Variants in LCMT1 observed in about 807,000 individuals in gnomAD.
LCMT1 encodes leucine carboxyl methyltransferase 1, also known as [Phosphatase 2A protein]-leucine-carboxy methyltransferase 1.
A neutral mutation model predicts 47.7 loss-of-function variants in LCMT1; 32 were observed. The ratio of observed to expected loss-of-function variants is 0.67; its 90% CI spans 0.51 to 0.90. The LOEUF (loss-of-function observed/expected upper bound fraction) is 0.90. Ranked by LOEUF, LCMT1 falls within the 40% of genes least tolerant of loss-of-function variation. The pLI, the probability that LCMT1 is intolerant of heterozygous loss-of-function variation, is 0.00. For missense variants in LCMT1, 375 were observed against 415.2 expected (o/e 0.90, Z 0.84); for synonymous variants, 152 against 149.7 (o/e 1.02, Z -0.11).
intron 2 of LCMT1, 128 bp downstream of exon 2, chr16:25,128,694 TTCACCA>T: frequency 1.5e-6 from 1 of 675,146 alleles, no homozygotes; most frequent in Non-Finnish European, 2.6e-6. Context: ...TCCCCAGATC[TTCACCA>T]ACACGGTGTG....
chr16:25,126,980 T>C (rs565678869), intron 1 of LCMT1, among the ~76,000 whole-genome samples: 18 of 152,338 alleles, frequency 1.2e-4, no homozygotes, highest in Non-Finnish European at 2.1e-4. Context: ...GATGACACTA[T>C]ATGATTTCTT....
At position 25,178,200 on chromosome 16, in the gene LCMT1, G is replaced by A. The variant is rs146882244; in HGVS notation, c.*177G>A. Reference sequence around the variant, plus strand: ...CTCTTCCTGTTCCTGTTGACATGTCGTTGTTTAAATAAATCTCACTTGCCA... The same window carrying A: ...CTCTTCCTGTTCCTGTTGACATGTCATTGTTTAAATAAATCTCACTTGCCA... On this transcript the variant is annotated 3_prime_UTR_variant, in exon 11 of 11. Coordinates refer to ENST00000399069, the MANE Select transcript of LCMT1 (RefSeq NM_016309.3). 2.4e-3 allele frequency: 1,401 copies of A among 592,008 alleles called. 8 individuals carry two copies. The highest frequency in any genetic ancestry group is 0.011 in the Middle Eastern group (40 of 3,554). 36.7% of individuals were successfully genotyped at this position (592,008 alleles called of 1,614,324 possible).
At chr16:25,138,290 A>C (rs558093019) in intron 3 of LCMT1, among the ~76,000 whole-genome samples, 2 of 152,290 alleles carry the variant, frequency 1.3e-5, no homozygotes, top group African/African-American at 4.8e-5. Flanking sequence ...AGCAGCGTGC[A>C]GCTTTGAGAC....
chr16:25,167,998 C>T (rs1211031111), intron 7 of LCMT1, among the ~76,000 whole-genome samples: 1 of 151,730 alleles, frequency 6.6e-6, no homozygotes, highest in Non-Finnish European at 1.5e-5. Context: ...CTCAAGTGAT[C>T]CGCCCACCTC....
chr16:25,129,586 A>G (rs1282968809), intron 2 of LCMT1, among the ~76,000 whole-genome samples: 1 of 152,244 alleles, frequency 6.6e-6, no homozygotes, highest in African/African-American at 2.4e-5. Context: ...TTTATTTTTC[A>G]CATGTGTATT....
rs573429122 is a variant in LCMT1, at chr16:25,175,491, G to A, written c.982+457G>A. ...ATACAAAAAAAAAAAAAATAGCCAGGCGTGGTGGCAGGCACCTGTAATCCC... is the reference window on the plus strand; with the variant it reads ...ATACAAAAAAAAAAAAAATAGCCAGACGTGGTGGCAGGCACCTGTAATCCC... On this transcript the variant is annotated intron_variant, in intron 10 of 10. Coordinates refer to ENST00000399069, the MANE Select transcript of LCMT1 (RefSeq NM_016309.3). Among the ~76,000 whole-genome samples the A allele has an allele frequency of 4.0e-5, 6 of 151,508 alleles. No homozygotes were observed. The East Asian group carries it at 1.2e-3, about 29-fold the overall frequency.
At chr16:25,112,059 C>A (rs1290766307) in intron 1 of LCMT1, 63 bp downstream of exon 1, 1 of 1,086,612 alleles carries the variant, frequency 9.2e-7, no homozygotes. Context: ...GGGAGGTGGG[C>A]CTGCATCTGA....
At chr16:25,170,627 C>A in intron 8 of LCMT1, 87 bp from the exon 9 acceptor site, 1 of 1,050,712 alleles carries the variant, frequency 9.5e-7, no homozygotes, top group South Asian at 1.4e-5. Context: ...GAGACCTTGT[C>A]TCTTTAAAAC....
intron 5 of LCMT1, among the ~76,000 whole-genome samples, chr16:25,152,745 ACT>A (rs1050894081): frequency 4.0e-5 from 6 of 151,584 alleles, no homozygotes; most frequent in Admixed American, 3.3e-4. Flanking sequence ...TGTCCCCACG[ACT>A]CTCTGGTATC....
chr16:25,111,843 C>A lies in LCMT1; in HGVS notation c.-41C>A. The A allele has an allele frequency of 7.0e-7, 1 of 1,419,170 alleles. No homozygotes were observed. 87.9% of individuals were successfully genotyped at this position (1,419,170 alleles called of 1,614,324 possible). On this transcript the variant is annotated 5_prime_UTR_variant, in exon 1 of 11. Coordinates refer to ENST00000399069, the MANE Select transcript of LCMT1 (RefSeq NM_016309.3). ...CCCCGCCGCCCGTCGACCCCGCTTC[C>A]ATGTCCCTGGCGGACACAGCTCCCA... is the stretch of plus-strand genomic sequence containing the variant.
At chr16:25,160,683 A>T in intron 5 of LCMT1, 1 of 485,366 alleles carries the variant, frequency 2.1e-6, no homozygotes, top group Admixed American at 2.2e-5. Context: ...GGGATTGGCT[A>T]AATAAGTTAT....
intron 1 of LCMT1, among the ~76,000 whole-genome samples, chr16:25,126,640 C>A (rs1048115279): frequency 6.6e-6 from 1 of 152,214 alleles, no homozygotes; most frequent in Non-Finnish European, 1.5e-5. Context: ...CTACACTAGT[C>A]GTATTGAACA....
intron 6 of LCMT1, 143 bp downstream of exon 6, chr16:25,161,347 C>T (rs2141698180): frequency 2.0e-6 from 1 of 493,452 alleles, no homozygotes; most frequent in Non-Finnish European, 3.5e-6. Context: ...ACCTAGTTTT[C>T]TGAAAAAAAT....
intron 3 of LCMT1, among the ~76,000 whole-genome samples, chr16:25,138,983 A>C (rs1960590690): frequency 6.6e-6 from 1 of 151,558 alleles, no homozygotes; most frequent in African/African-American, 2.4e-5. Flanking sequence ...CTTTGTCGCC[A>C]GGCTGGAGTG....
chr16:25,140,515 A>G, intron 4 of LCMT1: 1 of 440,838 alleles, frequency 2.3e-6, no homozygotes, highest in Non-Finnish European at 4.1e-6. Flanking sequence ...CTCCCAGACA[A>G]GGTTTTTGTT....
Position 25,112,005 on chromosome 16 carries a change from C to G in LCMT1, c.113+9C>G. On this transcript the variant is annotated intron_variant, in intron 1 of 10. Transcript: ENST00000399069. ...GCTTCCCTGTGCAAGAGGTGCCTGTCGGGCGCGGGGTTCGGGGCCGGCATC... is the reference window on the plus strand; with the variant it reads ...GCTTCCCTGTGCAAGAGGTGCCTGTGGGGCGCGGGGTTCGGGGCCGGCATC... 1 of 1,602,832 alleles carries G rather than the reference C, an allele frequency of 6.2e-7. No individual in the cohort carries two copies. Among genetic ancestry groups the G allele is most frequent in the Non-Finnish European group, 8.5e-7 (1 of 1,170,902 alleles).
chr16:25,151,500 GTA>G (rs1184951951), intron 4 of LCMT1, 52 bp from the exon 5 acceptor site: 2 of 1,420,222 alleles, frequency 1.4e-6, no homozygotes, highest in African/African-American at 2.8e-5. Flanking sequence ...GAGCTCATGA[GTA>G]AATTGAGGAG....
At chr16:25,160,615 A>G (rs1349892641) in intron 5 of LCMT1, among the ~76,000 whole-genome samples, 1 of 152,262 alleles carries the variant, frequency 6.6e-6, no homozygotes, top group East Asian at 1.9e-4. Flanking sequence ...TGATGTCTAT[A>G]CAAGGGTGCT....
chr16:25,121,286 T>C (rs1959979726), intron 1 of LCMT1, among the ~76,000 whole-genome samples: 1 of 151,882 alleles, frequency 6.6e-6, no homozygotes, highest in Non-Finnish European at 1.5e-5. Context: ...GGTGGGAGCC[T>C]GTAATCCCAG....
Sources: gnomAD v4.1 joint callset for allele counts (sites outside exome capture counted in the v4.1 genomes callset) on GRCh38, gnomAD v4.1.1 for gene constraint, MANE v1.5 for transcripts, NCBI Gene and HGNC (gene_info 2026-07-23, HGNC 2026-07-21) for gene names.